The following ZNF385C variants were observed in gnomAD, a reference collection of about 807,000 sequenced individuals.
The protein encoded by ZNF385C is CTD-2132N18.2.
Under a neutral mutation model 35.4 loss-of-function variants are expected in ZNF385C, and 28 were observed. That is an observed-to-expected ratio of 0.79 (90% confidence interval 0.59 to 1.08). ZNF385C has a LOEUF of 1.08. ZNF385C is among the 50% of genes least tolerant of loss of function. The pLI is 0.00. For missense variants in ZNF385C, 605 were observed against 595.6 expected (o/e 1.02, Z -0.16); for synonymous variants, 248 against 248.2 (o/e 1.00, Z 0.01).
chr17:42,093,606 G>C (rs1333916414), intron 1 of ZNF385C, among the ~76,000 whole-genome samples: 2 of 149,236 alleles, frequency 1.3e-5, no homozygotes, highest in African/African-American at 5.0e-5. Flanking sequence ...TTTGAGAGAG[G>C]GTCTCACTCT....
rs781806719 is a variant in ZNF385C, at chr17:42,028,922, C to A, written c.828G>T (p.Glu276Asp). 1 of 1,550,598 alleles carries A rather than the reference C, an allele frequency of 6.4e-7. No individual in the cohort carries two copies. The highest frequency in any genetic ancestry group is 1.2e-5 in the South Asian group (1 of 84,068). Residue 276 changes from glutamate to aspartate, a missense_variant, in exon 6 of 9, where the codon GAG becomes GAT. Glu to Asp is a conservative substitution (Grantham distance 45, BLOSUM62 2). Coordinates refer to ENST00000692273, the MANE Select transcript of ZNF385C (RefSeq NM_001392013.1). ...CTGCCGCTGGCTCAGGCCCCGGTGC[C>A]TCTCTCCCAGGCTCTGGGGAGCAAG... ...CPPCSPEPGR[E>D]APGPEPAAAA...
intron 2 of ZNF385C, among the ~76,000 whole-genome samples, chr17:42,051,141 GGGGT>G (rs2053275693): frequency 6.6e-6 from 1 of 151,954 alleles, no homozygotes; most frequent in South Asian, 2.1e-4. Flanking sequence ...ATGAAGAATT[GGGGT>G]GGGTGGGGGC....
At chr17:42,039,953 A>G in intron 2 of ZNF385C, 3 of 1,231,042 alleles carry the variant, frequency 2.4e-6, no homozygotes, top group East Asian at 6.3e-5. Context: ...AAGTCGGGGA[A>G]GAGCTCGTGC....
At chr17:42,035,538 C>T (rs890420828) in intron 3 of ZNF385C, among the ~76,000 whole-genome samples, 7 of 144,734 alleles carry the variant, frequency 4.8e-5, no homozygotes, top group South Asian at 2.2e-4. Flanking sequence ...AGGCTGCTGA[C>T]GACCTTTTTT....
At chr17:42,038,466 C>T in intron 2 of ZNF385C, 1 of 177,148 alleles carries the variant, frequency 5.6e-6, no homozygotes, top group Non-Finnish European at 1.2e-5. Flanking sequence ...AGCCAACATT[C>T]CTGGGTTGGG....
At position 42,026,805 on chromosome 17, in the gene ZNF385C, G is replaced by T; in HGVS notation, c.*92C>A. 1 of 1,267,548 alleles carries T rather than the reference G, an allele frequency of 7.9e-7. No homozygotes were observed. Among genetic ancestry groups the T allele is most frequent in the Non-Finnish European group, 1.1e-6 (1 of 888,524 alleles). 78.5% of individuals were successfully genotyped at this position (1,267,548 alleles called of 1,614,324 possible). On this transcript the variant is annotated 3_prime_UTR_variant, in exon 9 of 9. Transcript: ENST00000692273. ...GGCAGGACCCCTGAAGCTGTTCACA[G>T]TCCCTGTGGCATGTAGGAAACCAAG...
chr17:42,035,013 C>T (rs2052817208), intron 3 of ZNF385C, among the ~76,000 whole-genome samples: 1 of 146,878 alleles, frequency 6.8e-6, no homozygotes, highest in South Asian at 2.2e-4. Context: ...GTCTCAGCTA[C>T]TCAGGAGGCT....
At chr17:42,034,182 G>C in intron 4 of ZNF385C, 43 bp downstream of exon 4, 2 of 1,485,736 alleles carry the variant, frequency 1.3e-6, no homozygotes, top group Non-Finnish European at 1.8e-6. Context: ...CCCTCTCCCT[G>C]CCCAGCCCCC....
chr17:42,040,757 C>T (rs1293159278), intron 2 of ZNF385C: 44 of 1,232,238 alleles, frequency 3.6e-5, no homozygotes, highest in Non-Finnish European at 4.5e-5. Flanking sequence ...GAACTAGGGC[C>T]ACCATGGAGG....
At chr17:42,087,803 T>C (rs1411322796) in intron 1 of ZNF385C, among the ~76,000 whole-genome samples, 5 of 152,216 alleles carry the variant, frequency 3.3e-5, no homozygotes, top group Non-Finnish European at 7.3e-5. Flanking sequence ...TTGTTGCACA[T>C]ACAATAATGT....
intron 7 of ZNF385C, 110 bp from the exon 8 acceptor site, chr17:42,027,838 A>G: frequency 7.7e-7 from 1 of 1,304,304 alleles, no homozygotes; most frequent in Non-Finnish European, 1.1e-6. Flanking sequence ...CATCCAAAGC[A>G]CACAGACTGG....
rs537554410 is a variant in ZNF385C at position 42,033,752 on chromosome 17, A to G, written c.510+473T>C. On this transcript the variant is annotated intron_variant, in intron 4 of 8. Coordinates refer to ENST00000692273, the MANE Select transcript of ZNF385C (RefSeq NM_001392013.1). ...TGGGTGACAGAGTGAGACCTTGTCTAAAAAAACAAAACAAAACAAAAAAAT... is the reference window on the plus strand; with the variant it reads ...TGGGTGACAGAGTGAGACCTTGTCTGAAAAAACAAAACAAAACAAAAAAAT... 5.9e-5 allele frequency among the ~76,000 whole-genome samples: 9 copies of G among 152,198 alleles called. No individual in the cohort carries two copies. The South Asian group carries it at 1.5e-3, about 25-fold the overall frequency.
intron 2 of ZNF385C, among the ~76,000 whole-genome samples, chr17:42,046,332 C>T (rs1229322721): frequency 6.6e-6 from 1 of 152,162 alleles, no homozygotes; most frequent in Non-Finnish European, 1.5e-5. Flanking sequence ...GTGGCTCACA[C>T]CTGTAATCTC....
At chr17:42,048,775 C>A (rs2053223657) in intron 2 of ZNF385C, among the ~76,000 whole-genome samples, 1 of 152,074 alleles carries the variant, frequency 6.6e-6, no homozygotes, top group Admixed American at 6.5e-5. Context: ...TTGTCCAGGC[C>A]ACCTTTATCT....
At chr17:42,051,204 TC>T (rs1425508867) in intron 2 of ZNF385C, among the ~76,000 whole-genome samples, 1 of 151,698 alleles carries the variant, frequency 6.6e-6, no homozygotes, top group Non-Finnish European at 1.5e-5. Context: ...ATTTTGACCT[TC>T]CCACCTGGTG....
intron 2 of ZNF385C, among the ~76,000 whole-genome samples, chr17:42,044,548 G>A (rs1271134132): frequency 1.3e-5 from 2 of 151,452 alleles, no homozygotes; most frequent in South Asian, 2.1e-4. Flanking sequence ...CCCGGGAGGC[G>A]GAGGTTGCAG....
At position 42,034,178 on chromosome 17, in the gene ZNF385C, C is replaced by G. The variant is rs2052789969; in HGVS notation, c.510+47G>C. On this transcript the variant is annotated intron_variant, in intron 4 of 8. Transcript: ENST00000692273. The stretch of plus-strand genomic sequence containing the variant: ...CTGAAAGCCCAGCCTCCAGCCCTCT[C>G]CCTGCCCAGCCCCCTCCCCAGACCT... 3.4e-6 allele frequency: 5 copies of G among 1,469,970 alleles called. No homozygotes were observed. In the African/African-American group the frequency reaches 5.6e-5, roughly 17 times the overall value. 91.1% of individuals were successfully genotyped at this position (1,469,970 alleles called of 1,614,324 possible). A position where few individuals can be genotyped will look rare whatever the true frequency, so the allele number is the denominator to read the frequency against.
chr17:42,089,861 G>A (rs1365200037), intron 1 of ZNF385C, among the ~76,000 whole-genome samples: 1 of 152,020 alleles, frequency 6.6e-6, no homozygotes, highest in South Asian at 2.1e-4. Flanking sequence ...TGTACTACAG[G>A]GGAAAAACAA....
chr17:42,031,684 T>A lies in ZNF385C; in HGVS notation c.611A>T (p.Asp204Val), dbSNP rs782719341. 1.3e-6 allele frequency: 2 copies of A among 1,550,672 alleles called. No homozygotes were observed. The highest frequency in any genetic ancestry group is 2.4e-5 in the South Asian group (2 of 84,058). The change falls in exon 5 of 9, where the codon GAT becomes GTT. Residue 204 changes from aspartate to valine, a missense_variant. Asp to Val is a radical substitution (Grantham distance 152, BLOSUM62 -3). Coordinates refer to ENST00000692273, the MANE Select transcript of ZNF385C (RefSeq NM_001392013.1). ...TGGGATTGGGGACACTACAGCCCCA[T>A]CCTGGGCCTGGGTGTGTGGCCTCTG... ...SKQRPHTQAQDGAVVSPIPTL... is the reference protein window; with the variant it reads ...SKQRPHTQAQVGAVVSPIPTL...
Sources: allele counts gnomAD v4.1 joint callset (sites outside exome capture counted in the v4.1 genomes callset), GRCh38; gene constraint gnomAD v4.1.1; transcripts MANE v1.5; gene names NCBI Gene and HGNC (gene_info 2026-07-23, HGNC 2026-07-21).